Variants in CCDC148 observed in about 807,000 individuals in gnomAD.
CCDC148 encodes the protein coiled-coil domain containing 148.
Under a neutral mutation model 85.7 loss-of-function variants are expected in CCDC148, and 89 were observed. The ratio of observed to expected loss-of-function variants is 1.04; its 90% confidence interval spans 0.87 to 1.24. CCDC148 has a LOEUF of 1.24. CCDC148 is among the 50% of genes most tolerant of loss of function. The probability of loss-of-function intolerance (pLI) is 0.00; values close to 1 mark genes in which losing one functional copy is unlikely to be tolerated. For synonymous variants in CCDC148, 230 were observed against 213.9 expected (o/e 1.08, Z -0.66); for missense variants, 692 against 671.7 (o/e 1.03, Z -0.33).
chr2:158,266,637 C>T (rs1195108260), intron 9 of CCDC148, among the ~76,000 whole-genome samples: 2 of 152,028 alleles, frequency 1.3e-5, no homozygotes, highest in African/African-American at 2.4e-5. Flanking sequence ...ACCCTTTCTC[C>T]CTGAGCCCCA....
intron 11 of CCDC148, among the ~76,000 whole-genome samples, chr2:158,211,597 A>C (rs1054003976): frequency 6.6e-6 from 1 of 152,256 alleles, no homozygotes; most frequent in African/African-American, 2.4e-5. Flanking sequence ...CAAGATTTCC[A>C]AATCAAAAAT....
rs191390415 is a variant in CCDC148 at position 158,439,176 on chromosome 2, T to C, written c.25+17239A>G. On this transcript the variant is annotated intron_variant, in intron 1 of 13. Coordinates refer to ENST00000283233, the MANE Select transcript of CCDC148 (RefSeq NM_138803.4). The stretch of plus-strand genomic sequence containing the variant: ...ATGCTGCTATAAAGACACATGCACG[T>C]GTATGTTTATTGTGGCACTATTCAC... Among the ~76,000 whole-genome samples, 21 of 152,292 alleles carry C rather than the reference T, an allele frequency of 1.4e-4. No individual in the cohort carries two copies. The South Asian group carries it at 4.1e-3, about 30-fold the overall frequency.
At chr2:158,337,148 C>T (rs1349267652) in intron 7 of CCDC148, among the ~76,000 whole-genome samples, 2 of 152,144 alleles carry the variant, frequency 1.3e-5, no homozygotes, top group Non-Finnish European at 2.9e-5. Flanking sequence ...TGAAGAATAA[C>T]TCTTACTGGA....
At chr2:158,293,398 G>A (rs1690987064) in intron 9 of CCDC148, among the ~76,000 whole-genome samples, 1 of 152,168 alleles carries the variant, frequency 6.6e-6, no homozygotes. Flanking sequence ...TATAGAAACA[G>A]CAAATTGACA....
chr2:158,437,172 C>A (rs1460528847), intron 1 of CCDC148, among the ~76,000 whole-genome samples: 5 of 151,886 alleles, frequency 3.3e-5, no homozygotes, highest in Non-Finnish European at 5.9e-5. Context: ...GAGACACAAC[C>A]AAAAAAGAGA....
intron 3 of CCDC148, 29 bp downstream of exon 3, chr2:158,345,186 G>T: frequency 1.4e-6 from 2 of 1,447,848 alleles, no homozygotes; most frequent in Non-Finnish European, 1.9e-6. Context: ...TAATTCCTAC[G>T]TGTTCTTACT....
chr2:158,310,330 A>C (rs1002736244), intron 8 of CCDC148, among the ~76,000 whole-genome samples: 6 of 152,324 alleles, frequency 3.9e-5, no homozygotes, highest in African/African-American at 1.4e-4. Context: ...TTCTTTCTAC[A>C]CAGACACAGT....
At chr2:158,416,124 T>C (rs1348745260) in intron 1 of CCDC148, among the ~76,000 whole-genome samples, 2 of 152,156 alleles carry the variant, frequency 1.3e-5, no homozygotes, top group Non-Finnish European at 2.9e-5. Flanking sequence ...GCCTGAGACA[T>C]ATCTGGGACC....
In CCDC148 at chr2:158,399,966, G is replaced by T. The variant is rs1360839977; in HGVS notation, c.26-41396C>A. Among the ~76,000 whole-genome samples the T allele has an allele frequency of 2.6e-5, 4 of 152,044 alleles. No homozygotes were observed. In the East Asian group the frequency reaches 7.7e-4, roughly 29 times the overall value. Reference sequence around the variant, plus strand: ...TATACACAATTACTACAAAGAGAATGAAATACCTAGGAATCCAACTTACAA... The same window carrying T: ...TATACACAATTACTACAAAGAGAATTAAATACCTAGGAATCCAACTTACAA... On this transcript the variant is annotated intron_variant, in intron 1 of 13. Transcript: ENST00000283233.
At chr2:158,271,176 G>A (rs952728734) in intron 9 of CCDC148, among the ~76,000 whole-genome samples, 4 of 152,004 alleles carry the variant, frequency 2.6e-5, no homozygotes, top group African/African-American at 9.7e-5. Flanking sequence ...TTTTGGGGGG[G>A]TTAATAAGCT....
At chr2:158,340,852 T>A (rs935140640) in intron 3 of CCDC148, among the ~76,000 whole-genome samples, 172 bp from the exon 4 acceptor site, 4 of 152,300 alleles carry the variant, frequency 2.6e-5, no homozygotes, top group African/African-American at 9.6e-5. Context: ...GGTAGATGCA[T>A]AGGCTCAGGG....
intron 10 of CCDC148, among the ~76,000 whole-genome samples, chr2:158,239,169 C>T (rs975906763): frequency 1.3e-5 from 2 of 152,078 alleles, no homozygotes; most frequent in African/African-American, 4.8e-5. Flanking sequence ...AAGACCTAGC[C>T]AGAAAGTACA....
chr2:158,448,483 G>A (rs1688255071), intron 1 of CCDC148, among the ~76,000 whole-genome samples: 1 of 151,878 alleles, frequency 6.6e-6, no homozygotes, highest in South Asian at 2.1e-4. Flanking sequence ...GAGGAGCTGG[G>A]ACCACAGGTG....
At chr2:158,381,721 T>A (rs1684875784) in intron 1 of CCDC148, among the ~76,000 whole-genome samples, 1 of 152,066 alleles carries the variant, frequency 6.6e-6, no homozygotes, top group Admixed American at 6.6e-5. Context: ...AGATACTGAC[T>A]CTACAAAAAA....
At chr2:158,220,123 T>C (rs563694733) in intron 11 of CCDC148, among the ~76,000 whole-genome samples, 25 of 152,298 alleles carry the variant, frequency 1.6e-4, no homozygotes, top group African/African-American at 6.0e-4. Flanking sequence ...TAAAATTACA[T>C]ACTTCTAGGA....
At chr2:158,203,543 G>A (rs1344501775) in intron 11 of CCDC148, among the ~76,000 whole-genome samples, 3 of 152,056 alleles carry the variant, frequency 2.0e-5, no homozygotes, top group African/African-American at 7.2e-5. Context: ...TAGGGATGGA[G>A]ACAGATATGG....
At chr2:158,329,018 A>G (rs150094795) in intron 7 of CCDC148, among the ~76,000 whole-genome samples, 173 of 152,152 alleles carry the variant, frequency 1.1e-3, no homozygotes, top group African/African-American at 4.1e-3. Context: ...CTTTATTTTA[A>G]CTAGATCCCA....
chr2:158,438,100 T>C, intron 1 of CCDC148, among the ~76,000 whole-genome samples: 1 of 152,160 alleles, frequency 6.6e-6, no homozygotes, highest in Non-Finnish European at 1.5e-5. Flanking sequence ...CCAATGACTT[T>C]CTTCACAGAA....
intron 2 of CCDC148, among the ~76,000 whole-genome samples, chr2:158,347,200 T>C (rs1683036313): frequency 6.6e-6 from 1 of 152,196 alleles, no homozygotes; most frequent in African/African-American, 2.4e-5. Flanking sequence ...AAATTAGATT[T>C]CTTTGGCATA....
Sources: gnomAD v4.1 joint callset for allele counts (sites outside exome capture counted in the v4.1 genomes callset) on GRCh38, gnomAD v4.1.1 for gene constraint, MANE v1.5 for transcripts, NCBI Gene and HGNC (gene_info 2026-07-23, HGNC 2026-07-21) for gene names.